Variants in BZW2 observed in about 807,000 individuals in gnomAD.
BZW2 encodes basic leucine zipper and W2 domains 2, also known as eIF5-mimic protein 1.
BZW2 carries 23 observed loss-of-function variants against 53.2 expected under a neutral mutation model. That is an observed-to-expected ratio of 0.43 (90% CI 0.31 to 0.61). BZW2 has a LOEUF of 0.61. BZW2 is among the 20% of genes least tolerant of loss of function. BZW2 has a pLI of 0.09. For missense variants in BZW2, 409 were observed against 503.1 expected (o/e 0.81, Z 1.79); for synonymous variants, 227 against 186.4 (o/e 1.22, Z -1.77).
intron 7 of BZW2, among the ~76,000 whole-genome samples, 156 bp from the exon 8 acceptor site, chr7:16,694,678 C>T (rs1195323991): frequency 6.6e-6 from 1 of 152,120 alleles, no homozygotes; most frequent in East Asian, 1.9e-4. Flanking sequence ...AGATGTTTAG[C>T]TCAGTAAATA....
intron 5 of BZW2, 24 bp from the exon 6 acceptor site, chr7:16,685,881 T>C (rs755827005): frequency 4.7e-5 from 54 of 1,156,284 alleles, no homozygotes; most frequent in South Asian, 8.6e-5. Context: ...TTTTTCTTTT[T>C]TTTTTTTTTT....
At chr7:16,673,315 C>T (rs948521372) in intron 2 of BZW2, among the ~76,000 whole-genome samples, 1 of 152,270 alleles carries the variant, frequency 6.6e-6, no homozygotes, top group Admixed American at 6.5e-5. Context: ...TCTGAAGCCC[C>T]ACAAAATCAA....
intron 1 of BZW2, chr7:16,662,292 T>C (rs1782290052): frequency 6.6e-6 from 1 of 152,182 alleles, no homozygotes; most frequent in Non-Finnish European, 1.5e-5. Context: ...TTGGGTGTTA[T>C]ACCAAAGTCT....
At chr7:16,668,414 T>C (rs1177569497) in intron 2 of BZW2, among the ~76,000 whole-genome samples, 1 of 152,230 alleles carries the variant, frequency 6.6e-6, no homozygotes, top group Non-Finnish European at 1.5e-5. Flanking sequence ...CCAGTTGATC[T>C]AGATTCATAT....
At chr7:16,701,206 A>G (rs1376352661) in intron 10 of BZW2, among the ~76,000 whole-genome samples, 2 of 152,220 alleles carry the variant, frequency 1.3e-5, no homozygotes, top group East Asian at 3.8e-4. Flanking sequence ...AGGTAGTAAG[A>G]AACAGTAAAT....
chr7:16,676,919 G>A (rs189134241), intron 3 of BZW2, among the ~76,000 whole-genome samples: 3 of 152,134 alleles, frequency 2.0e-5, no homozygotes, highest in African/African-American at 7.2e-5. Context: ...CTCTCTGCAT[G>A]CCACTTCTTA....
intron 1 of BZW2, among the ~76,000 whole-genome samples, chr7:16,648,482 A>G (rs1781919441): frequency 6.6e-6 from 1 of 152,232 alleles, no homozygotes; most frequent in Non-Finnish European, 1.5e-5. Context: ...GTCCTCTCAT[A>G]TCTACCACTC....
chr7:16,650,347 A>G (rs1781953728), intron 1 of BZW2, among the ~76,000 whole-genome samples: 1 of 152,200 alleles, frequency 6.6e-6, no homozygotes, highest in Admixed American at 6.5e-5. Context: ...AGGTGAATGA[A>G]GTGGAGATAC....
intron 1 of BZW2, among the ~76,000 whole-genome samples, chr7:16,649,014 A>C (rs1781928386): frequency 1.3e-5 from 2 of 152,218 alleles, no homozygotes; most frequent in African/African-American, 4.8e-5. Flanking sequence ...TTGATATGCA[A>C]CATGGCTACT....
At chr7:16,654,249 A>G (rs943473836) in intron 1 of BZW2, among the ~76,000 whole-genome samples, 3 of 151,958 alleles carry the variant, frequency 2.0e-5, no homozygotes, top group Non-Finnish European at 4.4e-5. Context: ...TAATAATAAT[A>G]TAGAGACCAT....
intron 6 of BZW2, chr7:16,686,318 G>A (rs1008295547): frequency 2.6e-5 from 9 of 342,970 alleles, no homozygotes; most frequent in African/African-American, 1.7e-4. Context: ...TGATGCCTAG[G>A]TCAAATACCC....
intron 1 of BZW2, among the ~76,000 whole-genome samples, chr7:16,655,976 T>C (rs910015200): frequency 2.6e-5 from 4 of 151,624 alleles, no homozygotes; most frequent in African/African-American, 9.7e-5. Context: ...AAGATACTTT[T>C]CTTACAGAAC....
At position 16,706,142 on chromosome 7, in the gene BZW2, A is replaced by G; in HGVS notation, c.*54A>G. ...ACCACACACCACTTTTTGATTGGGA[A>G]TGCTGAACCATTTGAGAAGAGAAAC... On this transcript the variant is annotated 3_prime_UTR_variant, in exon 12 of 12. Coordinates refer to ENST00000258761, the MANE Select transcript of BZW2 (RefSeq NM_014038.3). 6.4e-7 allele frequency: 1 copy of G among 1,572,500 alleles called. No individual in the cohort carries two copies. Among genetic ancestry groups the G allele is most frequent in the East Asian group, 2.3e-5 (1 of 43,966 alleles).
intron 2 of BZW2, among the ~76,000 whole-genome samples, chr7:16,669,280 C>T (rs2128356173): frequency 6.6e-6 from 1 of 152,280 alleles, no homozygotes; most frequent in South Asian, 2.1e-4. Context: ...CGTGCACCAC[C>T]ACACCCAGCT....
At chr7:16,676,948 T>A (rs928092414) in intron 3 of BZW2, among the ~76,000 whole-genome samples, 1 of 152,158 alleles carries the variant, frequency 6.6e-6, no homozygotes, top group African/African-American at 2.4e-5. Flanking sequence ...CTGGCTTCCA[T>A]CGTTAACCAC....
chr7:16,685,791 C>T (rs1485574026), intron 5 of BZW2, 114 bp from the exon 6 acceptor site: 9 of 1,290,792 alleles, frequency 7.0e-6, no homozygotes, highest in Middle Eastern at 2.8e-4. Context: ...TTGTGTGCCA[C>T]GTAGCCATGG....
At chr7:16,684,868 T>G (rs1310360551) in intron 5 of BZW2, among the ~76,000 whole-genome samples, 1 of 152,230 alleles carries the variant, frequency 6.6e-6, no homozygotes, top group Non-Finnish European at 1.5e-5. Flanking sequence ...TATAATATAA[T>G]AATCCTTCAA....
intron 2 of BZW2, among the ~76,000 whole-genome samples, chr7:16,665,827 G>C (rs145232935): frequency 2.0e-5 from 3 of 152,096 alleles, no homozygotes; most frequent in Non-Finnish European, 4.4e-5. Flanking sequence ...TTTCTTTGTC[G>C]TTTTATGAAA....
At position 16,706,056 on chromosome 7, in the gene BZW2, C is replaced by G. The variant is rs757076438; in HGVS notation, c.1232-4C>G. 1 of 1,613,546 alleles carries G rather than the reference C, an allele frequency of 6.2e-7. No individual in the cohort carries two copies. Among genetic ancestry groups the G allele is most frequent in the East Asian group, 2.2e-5 (1 of 44,836 alleles). ...AAATATCTCACTTCTTTCTTCTCTC[C>G]TAGAATCCGAATCGGAAGGTGAGGA... is the stretch of plus-strand genomic sequence containing the variant. On this transcript the variant is annotated splice_polypyrimidine_tract_variant and splice_region_variant and intron_variant, in intron 11 of 11. Coordinates refer to ENST00000258761, the MANE Select transcript of BZW2 (RefSeq NM_014038.3).
Sources: allele counts gnomAD v4.1 joint callset (sites outside exome capture counted in the v4.1 genomes callset), GRCh38; gene constraint gnomAD v4.1.1; transcripts MANE v1.5; gene names NCBI Gene and HGNC (gene_info 2026-07-23, HGNC 2026-07-21).